Variants in SYNJ1 observed in about 807,000 individuals in gnomAD.
The protein encoded by SYNJ1 is polyphosphatidylinositol phosphatase SYNJ1.
SYNJ1 carries 78 observed loss-of-function variants against 168.2 expected under a neutral mutation model. The observed-to-expected ratio is 0.46, with a 90% CI of 0.39 to 0.56. The LOEUF (loss-of-function observed/expected upper bound fraction) is 0.56. Ranked by LOEUF, SYNJ1 falls within the 20% of genes least tolerant of loss-of-function variation. SYNJ1 has a pLI of 0.00. For missense variants in SYNJ1, 1,303 were observed against 1,597.6 expected (o/e 0.82, Z 3.14); for synonymous variants, 539 against 548.6 (o/e 0.98, Z 0.24).
Position 32,666,015 on chromosome 21 carries a change from A to C in SYNJ1, c.2073T>G (p.Ala691=), listed in dbSNP as rs1433325531. ...TSLCFVCSHF[A]AGQSQVKERN... is the part of the protein sequence containing the mutation. ...TTTCTTTGACTTGTGACTGCCCTGC[A>C]GCAAAGTGGCTACAGACGAAGCAAA... Residue 691 remains alanine (A), a synonymous_variant, in exon 17 of 33, where the codon GCT becomes GCG. Transcript: ENST00000674351. 6.2e-7 allele frequency: 1 copy of C among 1,613,980 alleles called. No homozygotes were observed. The highest frequency in any genetic ancestry group is 1.7e-5 in the Admixed American group (1 of 59,986).
chr21:32,685,627 ATATTTAAAAGATATTT>A lies in SYNJ1; in HGVS notation c.1118+105_1118+120del, dbSNP rs893071137. ...ATAATAAAAATAAAAATAAAATGAAATATTTAAAAGATATTTAATTATAAACTTTAATTTTAAAAAG... is the reference window on the plus strand; with the variant it reads ...ATAATAAAAATAAAAATAAAATGAAAAATTATAAACTTTAATTTTAAAAAG... On this transcript the variant is annotated intron_variant, in intron 9 of 32. Transcript: ENST00000674351. 13 of 614,194 alleles carry A rather than the reference ATATTTAAAAGATATTT, an allele frequency of 2.1e-5. No individual in the cohort carries two copies. The African/African-American group carries it at 2.5e-4, about 12-fold the overall frequency. The allele number at this position is 614,194 out of a possible 1,614,324, so 38.0% of individuals were successfully genotyped here. A position where few individuals can be genotyped will look rare whatever the true frequency, so the allele number is the denominator to read the frequency against.
intron 11 of SYNJ1, 47 bp downstream of exon 11, chr21:32,681,449 G>C (rs1375371731): frequency 6.5e-7 from 1 of 1,534,090 alleles, no homozygotes; most frequent in Non-Finnish European, 8.8e-7. Flanking sequence ...TTTATGAAGA[G>C]AGGAAAAAGA....
intron 26 of SYNJ1, among the ~76,000 whole-genome samples, chr21:32,644,519 G>T (rs1021991608): frequency 2.0e-4 from 30 of 152,220 alleles, no homozygotes; most frequent in Admixed American, 2.0e-3. Flanking sequence ...ACTGAGCTCT[G>T]TGAGTTTTCA....
chr21:32,649,766 T>TTTTGC (rs2040206149), intron 23 of SYNJ1, among the ~76,000 whole-genome samples: 1 of 152,214 alleles, frequency 6.6e-6, no homozygotes, highest in African/African-American at 2.4e-5. Flanking sequence ...TTTTGTTTTG[T>TTTTGC]TTTGAGACAG....
upstream of SYNJ1, chr21:32,728,328 C>G (rs542039436): frequency 2.7e-6 from 1 of 364,040 alleles, no homozygotes; most frequent in Admixed American, 4.9e-5. Context: ...TGGGGGGCTG[C>G]GTATTGCTGC....
chr21:32,644,774 A>T (rs1319885947), intron 26 of SYNJ1, among the ~76,000 whole-genome samples, 194 bp downstream of exon 26: 4 of 150,432 alleles, frequency 2.7e-5, no homozygotes, highest in Non-Finnish European at 4.4e-5. Context: ...CACATTTATT[A>T]AAAAAAAAAT....
intron 16 of SYNJ1, 48 bp from the exon 17 acceptor site, chr21:32,666,183 C>G: frequency 1.3e-6 from 2 of 1,554,794 alleles, no homozygotes; most frequent in Non-Finnish European, 1.7e-6. Flanking sequence ...TTCAAGAGTT[C>G]CATGTGCATA....
At position 32,695,247 on chromosome 21, in the gene SYNJ1, C is replaced by A; in HGVS notation, c.515G>T (p.Gly172Val). The stretch of plus-strand genomic sequence containing the variant: ...TAATAACCAGTCATCACAATTCACG[C>A]CATAGTGTTTGAGATGCAAATGCAA... ...QSLHLHLKHYGVNCDDWLLRL... is the reference protein window; with the variant it reads ...QSLHLHLKHYVVNCDDWLLRL... The change falls in exon 5 of 33, where the codon GGC becomes GTC. Residue 172 changes from glycine to valine, a missense_variant. Physicochemically the swap from Gly to Val is moderately radical, Grantham distance 109. Coordinates refer to ENST00000674351, the MANE Select transcript of SYNJ1 (RefSeq NM_203446.3). The A allele has an allele frequency of 6.2e-7, 1 of 1,613,888 alleles. No individual in the cohort carries two copies. Among genetic ancestry groups the A allele is most frequent in the Non-Finnish European group, 8.5e-7 (1 of 1,179,930 alleles).
At chr21:32,656,356 A>C (rs1343939314) in intron 21 of SYNJ1, among the ~76,000 whole-genome samples, 1 of 152,136 alleles carries the variant, frequency 6.6e-6, no homozygotes, top group East Asian at 1.9e-4. Flanking sequence ...AGGTGGGAGA[A>C]TTGCTTGAGC....
At position 32,666,443 on chromosome 21, in the gene SYNJ1, G is replaced by A. The variant is rs1288879559; in HGVS notation, c.1942C>T (p.Pro648Ser). The A allele has an allele frequency of 1.2e-6, 2 of 1,613,754 alleles. No individual in the cohort carries two copies. Among genetic ancestry groups the A allele is most frequent in the Admixed American group, 3.3e-5 (2 of 59,960 alleles). The change falls in exon 16 of 33, where the codon CCT (proline) becomes TCT (serine). Residue 648 changes from proline to serine, a missense_variant. Pro to Ser is a moderately conservative substitution (Grantham distance 74). Coordinates refer to ENST00000674351, the MANE Select transcript of SYNJ1 (RefSeq NM_203446.3). ...GTTCTGTTTACTGACCTGATAAAAG[G>A]AGCATGCTGTGGTCTGATAAAAACA... ...LFVFIRPQHA[P>S]FIRDVAVDTV...
At chr21:32,685,425 CAAA>C (rs57470866) in intron 9 of SYNJ1, among the ~76,000 whole-genome samples, 7 of 67,234 alleles carry the variant, frequency 1.0e-4, no homozygotes, top group African/African-American at 1.9e-4. Context: ...CCGTCTCTAC[CAAA>C]AAAAAAAAAA....
rs564713192 is a variant in SYNJ1 at position 32,690,698 on chromosome 21, G to A, written c.790-2331C>T. On this transcript the variant is annotated intron_variant, in intron 6 of 32. Transcript: ENST00000674351. The stretch of plus-strand genomic sequence containing the variant: ...CTGAGGTCAGGAGTTCGAGACCAGC[G>A]GATCACCTGAGGTCAGGAGTTTGAG... Among the ~76,000 whole-genome samples, 1,027 of 151,492 alleles carry A rather than the reference G, an allele frequency of 6.8e-3. 4 individuals carry two copies. The highest frequency in any genetic ancestry group is 0.011 in the Non-Finnish European group (728 of 67,478).
Position 32,664,940 on chromosome 21 carries a change from T to C in SYNJ1, c.2277A>G (p.Gln759=). ...GTCCAGCATTTTTCTGATTGATAAG[T>C]TGATCTCCTGCTATAAGAGAATCCC... The part of the protein sequence containing the change: ...QNWDSLIAGD[Q]LINQKNAGQV... Residue 759 remains glutamine (Q), a synonymous_variant, in exon 18 of 33, where the codon CAA becomes CAG. Coordinates refer to ENST00000674351, the MANE Select transcript of SYNJ1 (RefSeq NM_203446.3). The C allele has an allele frequency of 6.2e-7, 1 of 1,611,828 alleles. No individual in the cohort carries two copies. The highest frequency in any genetic ancestry group is 2.2e-5 in the East Asian group (1 of 44,806).
At position 32,629,910 on chromosome 21, in the gene SYNJ1, G is replaced by C. The variant is rs759982775; in HGVS notation, c.*1895C>G. The C allele has an allele frequency of 6.6e-6, 1 of 152,518 alleles. No individual in the cohort carries two copies. The highest frequency in any genetic ancestry group is 1.5e-5 in the Non-Finnish European group (1 of 68,050). 9.4% of individuals were successfully genotyped at this position (152,518 alleles called of 1,614,324 possible). On this transcript the variant is annotated 3_prime_UTR_variant, in exon 33 of 33. Coordinates refer to ENST00000674351, the MANE Select transcript of SYNJ1 (RefSeq NM_203446.3). The stretch of plus-strand genomic sequence containing the variant: ...CATCATAGATGTGTTATGTAGCCTC[G>C]TAAGAGGGGGGAGAACACACACTGG...
At chr21:32,679,832 C>T (rs1296440513) in intron 11 of SYNJ1, among the ~76,000 whole-genome samples, 2 of 151,850 alleles carry the variant, frequency 1.3e-5, no homozygotes, top group African/African-American at 2.4e-5. Flanking sequence ...CATTATCAGG[C>T]AATTAATCAA....
intron 2 of SYNJ1, among the ~76,000 whole-genome samples, chr21:32,704,283 T>TACACACACACCC (rs954758539): frequency 3.3e-5 from 5 of 152,104 alleles, no homozygotes; most frequent in African/African-American, 1.2e-4. Flanking sequence ...GGAAACAGGA[T>TACACACACACCC]ACACACACAC....
At chr21:32,686,856 C>G in intron 8 of SYNJ1, 122 bp downstream of exon 8, 1 of 665,102 alleles carries the variant, frequency 1.5e-6, no homozygotes, top group Non-Finnish European at 2.4e-6. Context: ...CCAACAAGTA[C>G]CCAACCTTTT....
intron 27 of SYNJ1, among the ~76,000 whole-genome samples, chr21:32,642,438 C>T (rs1038558117): frequency 6.6e-6 from 1 of 151,782 alleles, no homozygotes; most frequent in Non-Finnish European, 1.5e-5. Context: ...CTCTCGTGAA[C>T]CTTGAAAACA....
intron 10 of SYNJ1, among the ~76,000 whole-genome samples, chr21:32,682,803 A>G (rs2041674972): frequency 6.6e-6 from 1 of 152,154 alleles, no homozygotes; most frequent in Non-Finnish European, 1.5e-5. Flanking sequence ...AAGTACTTCA[A>G]TAAGCTTATT....
Sources: gnomAD v4.1 joint callset for allele counts (sites outside exome capture counted in the v4.1 genomes callset) on GRCh38, gnomAD v4.1.1 for gene constraint, MANE v1.5 for transcripts, NCBI Gene and HGNC (gene_info 2026-07-23, HGNC 2026-07-21) for gene names.